Variants in CEP192 observed in about 807,000 individuals in gnomAD.
CEP192 encodes the protein centrosomal protein of 192 kDa.
CEP192 carries 151 observed loss-of-function variants against 271.8 expected under a neutral mutation model. That is an observed-to-expected ratio of 0.56 (90% CI 0.49 to 0.64). CEP192 has a LOEUF of 0.64. Among genes scored for constraint, CEP192 ranks in the 30% least tolerant of loss-of-function variants. The pLI, the probability that CEP192 is intolerant of heterozygous loss-of-function variation, is 0.00. For synonymous variants in CEP192, 995 were observed against 1,076.5 expected (o/e 0.92, Z 1.48); for missense variants, 2,910 against 3,020.5 (o/e 0.96, Z 0.86).
At chr18:13,060,338 G>A (rs2037342475) in intron 21 of CEP192, among the ~76,000 whole-genome samples, 1 of 152,094 alleles carries the variant, frequency 6.6e-6, no homozygotes, top group African/African-American at 2.4e-5. Flanking sequence ...CATTATAAAA[G>A]ATTTAAAAAA....
At chr18:13,009,137 C>T (rs1246186255) in intron 4 of CEP192, among the ~76,000 whole-genome samples, 1 of 151,532 alleles carries the variant, frequency 6.6e-6, no homozygotes, top group African/African-American at 2.4e-5. Flanking sequence ...GGACTGGATG[C>T]ATGCATCGTC....
intron 36 of CEP192, among the ~76,000 whole-genome samples, chr18:13,098,135 A>G (rs937223383): frequency 6.6e-6 from 1 of 152,168 alleles, no homozygotes; most frequent in Non-Finnish European, 1.5e-5. Context: ...TTGTCATCAT[A>G]GCCCGTTCTC....
chr18:13,087,327 T>C lies in CEP192; in HGVS notation c.5877+50T>C, dbSNP rs764505063. 4.7e-5 allele frequency: 68 copies of C among 1,458,908 alleles called. 2 individuals are homozygous for C. In the South Asian group the frequency reaches 8.6e-4, roughly 18 times the overall value. The allele number at this position is 1,458,908 out of a possible 1,614,324, so 90.4% of individuals were successfully genotyped here. A position where few individuals can be genotyped will look rare whatever the true frequency, so the allele number is the denominator to read the frequency against. On this transcript the variant is annotated intron_variant, in intron 31 of 44. Transcript: ENST00000506447. ...AAAACATCAACTCATTTTAAAATTGTTAATAATTATGTATTTTAAAGCCAA... is the reference window on the plus strand; with the variant it reads ...AAAACATCAACTCATTTTAAAATTGCTAATAATTATGTATTTTAAAGCCAA...
chr18:13,008,725 C>A, intron 4 of CEP192, 94 bp downstream of exon 4: 1 of 909,490 alleles, frequency 1.1e-6, no homozygotes, highest in Non-Finnish European at 1.6e-6. Context: ...TTTTTTGAGG[C>A]AGGGTCGCAC....
chr18:13,064,689 G>T (rs1163395881), intron 21 of CEP192, among the ~76,000 whole-genome samples: 6 of 151,652 alleles, frequency 4.0e-5, no homozygotes, highest in Middle Eastern at 3.2e-3. Context: ...CCTTTGGTCT[G>T]TGTATCTGGT....
At chr18:13,015,859 C>T (rs113692547) in intron 6 of CEP192, among the ~76,000 whole-genome samples, 16,732 of 151,742 alleles carry the variant, frequency 0.11, 1,096 homozygotes, top group East Asian at 0.31. Flanking sequence ...GATTCACCTG[C>T]CTCAACCTCC....
At chr18:13,102,518 C>T (rs575912106) in intron 38 of CEP192, among the ~76,000 whole-genome samples, 5 of 152,290 alleles carry the variant, frequency 3.3e-5, no homozygotes, top group Non-Finnish European at 7.4e-5. Context: ...TAGGCCATGG[C>T]TGCTGTCACC....
At chr18:13,108,357 G>A (rs1027076558) in intron 40 of CEP192, among the ~76,000 whole-genome samples, 3 of 152,150 alleles carry the variant, frequency 2.0e-5, no homozygotes, top group Non-Finnish European at 4.4e-5. Context: ...TATCAACAGA[G>A]TAAACAGACA....
intron 9 of CEP192, among the ~76,000 whole-genome samples, chr18:13,021,787 C>A (rs2038297142): frequency 6.6e-6 from 1 of 152,152 alleles, no homozygotes; most frequent in African/African-American, 2.4e-5. Context: ...TTTCTTTAAA[C>A]AGTGTTTTGT....
intron 43 of CEP192, among the ~76,000 whole-genome samples, chr18:13,116,800 G>A (rs1172329026): frequency 2.0e-5 from 3 of 152,128 alleles, no homozygotes; most frequent in East Asian, 1.9e-4. Flanking sequence ...TAGTAGAGAC[G>A]GGGTTTCACC....
Position 13,019,177 on chromosome 18 carries a change from T to G in CEP192, c.1021T>G (p.Leu341Val), listed in dbSNP as rs746402954. ...TWGTEKEIENLKGIVPDLNSE... is the reference protein window; with the variant it reads ...TWGTEKEIENVKGIVPDLNSE... ...GGGAACTGAGAAAGAAATAGAAAAT[T>G]TGAAGGGTATTGTTCCAGATCTTAA... is the stretch of plus-strand genomic sequence containing the variant. The change falls in exon 9 of 45, where the codon TTG becomes GTG. Residue 341 changes from leucine (L) to valine (V), a missense_variant. Physicochemically the swap from Leu to Val is conservative, Grantham distance 32 (BLOSUM62 1). Transcript: ENST00000506447. 6.5e-7 allele frequency: 1 copy of G among 1,544,272 alleles called. No homozygotes were observed. The highest frequency in any genetic ancestry group is 1.4e-5 in the African/African-American group (1 of 72,630).
chr18:13,072,776 A>G lies in CEP192; in HGVS notation c.5370A>G (p.Arg1790=). 6.2e-6 allele frequency: 10 copies of G among 1,610,072 alleles called. No homozygotes were observed. The highest frequency in any genetic ancestry group is 7.7e-6 in the Non-Finnish European group (9 of 1,176,342). The change falls in exon 29 of 45, where the codon AGA becomes AGG. Residue 1790 remains arginine (R), a synonymous_variant. Coordinates refer to ENST00000506447, the MANE Select transcript of CEP192 (RefSeq NM_032142.4). ...TTAGGCTTCAGAAACTAGCTTTAAGAAATAATTCTGCATCTACAACTCAAC... is the reference window on the plus strand; with the variant it reads ...TTAGGCTTCAGAAACTAGCTTTAAGGAATAATTCTGCATCTACAACTCAAC... The part of the protein sequence containing the change: ...GRTQLQKLAL[R]NNSASTTQHL...
intron 30 of CEP192, among the ~76,000 whole-genome samples, chr18:13,084,742 T>C (rs1435831781): frequency 6.6e-6 from 1 of 152,166 alleles, no homozygotes; most frequent in African/African-American, 2.4e-5. Flanking sequence ...GCTGTTCTTA[T>C]TCAGCCATCT....
chr18:13,039,163 G>C (rs758616923), intron 13 of CEP192, among the ~76,000 whole-genome samples: 2 of 152,084 alleles, frequency 1.3e-5, no homozygotes, highest in Non-Finnish European at 2.9e-5. Flanking sequence ...GTGATGAAAA[G>C]GAGGCAGCAG....
intron 4 of CEP192, 51 bp from the exon 5 acceptor site, chr18:13,012,915 GGGTATTT>G: frequency 1.2e-6 from 1 of 857,600 alleles, no homozygotes; most frequent in Non-Finnish European, 1.8e-6. Context: ...AGGTATCGTT[GGGTATTT>G]GGTTGATAAA....
At chr18:13,101,236 T>G (rs775406066) in intron 38 of CEP192, among the ~76,000 whole-genome samples, 1 of 152,194 alleles carries the variant, frequency 6.6e-6, no homozygotes, top group African/African-American at 2.4e-5. Flanking sequence ...ACATGAGATA[T>G]TCAACCCCTT....
chr18:13,105,459 A>G (rs1568426802), intron 40 of CEP192, among the ~76,000 whole-genome samples: 1 of 152,232 alleles, frequency 6.6e-6, no homozygotes, highest in East Asian at 1.9e-4. Flanking sequence ...TCCAGCTACT[A>G]TGACCCTCTT....
Position 13,055,868 on chromosome 18 carries a change from A to C in CEP192, c.3278A>C (p.Lys1093Thr). 1 of 1,613,736 alleles carries C rather than the reference A, an allele frequency of 6.2e-7. No homozygotes were observed. The highest frequency in any genetic ancestry group is 8.5e-7 in the Non-Finnish European group (1 of 1,179,908). ...CGGGCTATGGAAAAATTGAGAGAAAAAGTTCCATTTCAGAATAGAGGAAAA... is the reference window on the plus strand; with the variant it reads ...CGGGCTATGGAAAAATTGAGAGAAACAGTTCCATTTCAGAATAGAGGAAAA... Reference protein sequence around the residue: ...EERAMEKLREKVPFQNRGKGT... With the variant: ...EERAMEKLRETVPFQNRGKGT... Residue 1093 changes from lysine (K) to threonine (T), a missense_variant, in exon 19 of 45, where the codon AAA becomes ACA. Coordinates refer to ENST00000506447, the MANE Select transcript of CEP192 (RefSeq NM_032142.4).
chr18:13,017,352 T>G lies in CEP192; in HGVS notation c.789+16T>G. On this transcript the variant is annotated intron_variant, in intron 7 of 44. Transcript: ENST00000506447. Reference sequence around the variant, plus strand: ...TCTTAGACAGGTGTGTTCCAGTCTTTATGATTTTTCAGAAATTTGACATTA... The same window carrying G: ...TCTTAGACAGGTGTGTTCCAGTCTTGATGATTTTTCAGAAATTTGACATTA... The G allele has an allele frequency of 2.7e-6, 4 of 1,487,736 alleles. No homozygotes were observed. Among genetic ancestry groups the G allele is most frequent in the Non-Finnish European group, 3.6e-6 (4 of 1,120,358 alleles). The allele number at this position is 1,487,736 out of a possible 1,614,324, so 92.2% of individuals were successfully genotyped here.
Sources: allele counts gnomAD v4.1 joint callset (sites outside exome capture counted in the v4.1 genomes callset), GRCh38; gene constraint gnomAD v4.1.1; transcripts MANE v1.5; gene names NCBI Gene and HGNC (gene_info 2026-07-23, HGNC 2026-07-21).